Variants in MRE11 observed in about 807,000 individuals in gnomAD.
MRE11 encodes double-strand break repair protein MRE11.
A neutral mutation model predicts 91.7 loss-of-function variants in MRE11; 62 were observed. The observed-to-expected ratio is 0.68, with a 90% CI of 0.55 to 0.84. The LOEUF is 0.84. Ranked by LOEUF, MRE11 falls within the 40% of genes least tolerant of loss-of-function variation. The probability of loss-of-function intolerance (pLI) is 0.00; values close to 1 mark genes in which losing one functional copy is unlikely to be tolerated. For synonymous variants in MRE11, 273 were observed against 271.4 expected, an observed-to-expected ratio of 1.01 and a Z score of -0.06; for missense variants, 796 against 852.9, an observed-to-expected ratio of 0.93 and a Z score of 0.83.
chr11:94,506,827 C>A, the MRE11 span, among the ~76,000 whole-genome samples: 1 of 151,994 alleles, frequency 6.6e-6, no homozygotes, highest in South Asian at 2.1e-4. Context: ...TGGCCTCAAG[C>A]GATCCTCCTG....
chr11:94,488,617 C>A (rs1419393772), intron 3 of MRE11, among the ~76,000 whole-genome samples: 1 of 152,168 alleles, frequency 6.6e-6, no homozygotes, highest in Non-Finnish European at 1.5e-5. Flanking sequence ...GAATACTATG[C>A]AGCTATTAAA....
At position 94,464,086 on chromosome 11, in the gene MRE11, T is replaced by C. The variant is rs116366202; in HGVS notation, c.1225+27A>G. On this transcript the variant is annotated intron_variant, in intron 11 of 19. Coordinates refer to ENST00000323929, the MANE Select transcript of MRE11 (RefSeq NM_005591.4). Reference sequence around the variant, plus strand: ...TTCACAAATCCTATAAGAACATTTTTTTACCTCATAAAAATAACTAGCTTA... The same window carrying C: ...TTCACAAATCCTATAAGAACATTTTCTTACCTCATAAAAATAACTAGCTTA... 1.2e-3 allele frequency: 2,005 copies of C among 1,606,650 alleles called. 15 individuals are homozygous for C. The African/African-American group carries it at 0.02, about 16-fold the overall frequency.
intron 18 of MRE11, among the ~76,000 whole-genome samples, chr11:94,432,083 C>G (rs542152110): frequency 9.2e-5 from 14 of 152,226 alleles, no homozygotes; most frequent in African/African-American, 3.4e-4. Context: ...TGAGGTATCC[C>G]GATAATCTTC....
intron 14 of MRE11, among the ~76,000 whole-genome samples, chr11:94,447,761 A>G (rs945900497): frequency 2.0e-5 from 3 of 151,728 alleles, no homozygotes; most frequent in Admixed American, 1.3e-4. Context: ...ACTTGAGCCT[A>G]GGAGATACAG....
At chr11:94,423,002 C>T (rs532797302) in intron 19 of MRE11, among the ~76,000 whole-genome samples, 48 of 152,240 alleles carry the variant, frequency 3.2e-4, no homozygotes, top group African/African-American at 9.9e-4. Context: ...CATGAGCTAC[C>T]GCGCCCAGCC....
intron 14 of MRE11, among the ~76,000 whole-genome samples, chr11:94,455,960 C>G (rs764479507): frequency 6.6e-6 from 1 of 152,022 alleles, no homozygotes; most frequent in Non-Finnish European, 1.5e-5. Context: ...GGTGGTGCAG[C>G]CATAGTTCAC....
intron 10 of MRE11, 95 bp downstream of exon 10, chr11:94,467,718 G>A (rs1946601993): frequency 1.9e-6 from 2 of 1,060,354 alleles, no homozygotes; most frequent in Non-Finnish European, 2.9e-6. Flanking sequence ...ATTACTATGA[G>A]CACTCTCCTC....
the MRE11 span, among the ~76,000 whole-genome samples, chr11:94,511,914 T>C: frequency 6.6e-6 from 1 of 152,270 alleles, no homozygotes; most frequent in East Asian, 1.9e-4. Context: ...TAGTTTGTTA[T>C]TTTGTGAATA....
chr11:94,437,376 T>TA, intron 16 of MRE11, 141 bp from the exon 17 acceptor site: 1 of 710,668 alleles, frequency 1.4e-6, no homozygotes, highest in Non-Finnish European at 2.3e-6. Context: ...TTGATATTTT[T>TA]AAAAATCTAA....
upstream of MRE11, chr11:94,498,329 G>C (rs763904534): frequency 1.9e-5 from 30 of 1,613,546 alleles, no homozygotes; most frequent in Non-Finnish European, 1.7e-6. Flanking sequence ...CCAAACAAAA[G>C]GCCTCTTGAC....
At chr11:94,450,876 A>G (rs979486882) in intron 14 of MRE11, among the ~76,000 whole-genome samples, 2 of 152,232 alleles carry the variant, frequency 1.3e-5, no homozygotes, top group Non-Finnish European at 2.9e-5. Context: ...ATGAATAAAT[A>G]TAAGCACTGG....
At chr11:94,488,943 AAAAG>A (rs1463948357) in intron 3 of MRE11, among the ~76,000 whole-genome samples, 2 of 151,832 alleles carry the variant, frequency 1.3e-5, no homozygotes, top group Non-Finnish European at 2.9e-5. Flanking sequence ...AACCTAAAAT[AAAAG>A]AAAGAATCCA....
At chr11:94,491,031 G>T in intron 2 of MRE11, 66 bp from the exon 3 acceptor site, 1 of 968,326 alleles carries the variant, frequency 1.0e-6, no homozygotes, top group Non-Finnish European at 1.6e-6. Flanking sequence ...CAAACAAATT[G>T]AGACAAACTT....
chr11:94,475,634 A>G, intron 7 of MRE11: 1 of 455,746 alleles, frequency 2.2e-6, no homozygotes, highest in Non-Finnish European at 4.4e-6. Flanking sequence ...CAACAGATTA[A>G]ATTTCTTAAA....
chr11:94,424,494 A>C (rs531854673), intron 19 of MRE11, among the ~76,000 whole-genome samples: 4 of 152,364 alleles, frequency 2.6e-5, no homozygotes, highest in African/African-American at 9.6e-5. Flanking sequence ...CACCAACAAT[A>C]GTTCTTAACC....
At chr11:94,496,516 TA>T, upstream of MRE11, 1 of 574,120 alleles carries the variant, frequency 1.7e-6, no homozygotes, top group African/African-American at 1.9e-5. Context: ...AGACAGGGTT[TA>T]ATTGTATATG....
intron 19 of MRE11, among the ~76,000 whole-genome samples, chr11:94,429,038 T>C (rs1339516205): frequency 1.3e-5 from 2 of 152,108 alleles, no homozygotes; most frequent in Non-Finnish European, 2.9e-5. Flanking sequence ...GCAAAGGACA[T>C]GAACAGGCAC....
the MRE11 span, among the ~76,000 whole-genome samples, chr11:94,508,830 C>T: frequency 5.9e-3 from 890 of 150,920 alleles, 9 homozygotes; most frequent in African/African-American, 0.021. Flanking sequence ...GGCACGATCT[C>T]GGCTCACTGC....
chr11:94,464,150 G>A lies in MRE11; in HGVS notation c.1188C>T (p.Ile396=), dbSNP rs2134999681. 1 of 1,613,762 alleles carries A rather than the reference G, an allele frequency of 6.2e-7. No homozygotes were observed. The highest frequency in any genetic ancestry group is 1.1e-5 in the South Asian group (1 of 91,066). Reference sequence around the variant, plus strand: ...TTTGTTCTCTATGCCTGAAAAAATGGATAATGTCTTTTGGATTAGCTACCC... The same window carrying A: ...TTTGTTCTCTATGCCTGAAAAAATGAATAATGTCTTTTGGATTAGCTACCC... ...VDRVANPKDI[I]HFFRHREQKE... The change falls in exon 11 of 20, where the codon ATC becomes ATT. Residue 396 remains isoleucine, a synonymous_variant. Transcript: ENST00000323929.
Sources: allele counts gnomAD v4.1 joint callset (sites outside exome capture counted in the v4.1 genomes callset), GRCh38; gene constraint gnomAD v4.1.1; transcripts MANE v1.5; gene names NCBI Gene and HGNC (gene_info 2026-07-23, HGNC 2026-07-21).